CHLSN: variants seen among roughly 807,000 people sequenced by gnomAD.
The protein encoded by CHLSN is cholesin.
chr7:987,409 C>G, the CHLSN span: 2 of 1,594,794 alleles, frequency 1.3e-6, no homozygotes, highest in African/African-American at 2.7e-5. Context: ...GCTGGAGGAC[C>G]AGCAGGCTCT....
chr7:1,062,326 C>G, the CHLSN span, among the ~76,000 whole-genome samples: 4 of 152,176 alleles, frequency 2.6e-5, no homozygotes, highest in South Asian at 2.1e-4. Flanking sequence ...AGAGGGAAAG[C>G]AGGAATAGTA....
chr7:1,013,685 G>A, the CHLSN span, among the ~76,000 whole-genome samples: 1 of 152,212 alleles, frequency 6.6e-6, no homozygotes, highest in African/African-American at 2.4e-5. Flanking sequence ...CGGGCCTCAT[G>A]GAAGGAAGCA....
chr7:1,030,846 C>A, the CHLSN span, among the ~76,000 whole-genome samples: 5 of 152,286 alleles, frequency 3.3e-5, no homozygotes, highest in Admixed American at 3.3e-4. Context: ...TGCCTGCTTT[C>A]CCACAGCCCA....
chr7:1,046,045 G>C, the CHLSN span, among the ~76,000 whole-genome samples: 1 of 152,162 alleles, frequency 6.6e-6, no homozygotes, highest in East Asian at 1.9e-4. Context: ...CACCTCATGT[G>C]GGTCTTAGGT....
chr7:1,092,977 C>T, the CHLSN span: 5 of 938,716 alleles, frequency 5.3e-6, no homozygotes, highest in South Asian at 1.4e-5. Flanking sequence ...TCTGGCTCCT[C>T]GGGGCCTCGC....
chr7:1,109,982 C>G, the CHLSN span, among the ~76,000 whole-genome samples: 431 of 152,340 alleles, frequency 2.8e-3, 14 homozygotes, highest in East Asian at 0.079. Context: ...GCGTCCAGGG[C>G]TACAGTAATG....
the CHLSN span, among the ~76,000 whole-genome samples, chr7:1,035,727 G>A: frequency 6.6e-6 from 1 of 152,218 alleles, no homozygotes; most frequent in African/African-American, 2.4e-5. Flanking sequence ...GAAGTCAGCT[G>A]GTGGTTTCTT....
the CHLSN span, chr7:1,091,920 C>T: frequency 3.7e-6 from 6 of 1,613,952 alleles, no homozygotes; most frequent in African/African-American, 8.0e-5. Flanking sequence ...TCTCGTGCCT[C>T]TACACCATCT....
At chr7:1,054,265 T>G in the CHLSN span, among the ~76,000 whole-genome samples, 3 of 152,170 alleles carry the variant, frequency 2.0e-5, no homozygotes, top group African/African-American at 7.2e-5. Flanking sequence ...GGAAAACAGG[T>G]ACGGCTCGGC....
the CHLSN span, among the ~76,000 whole-genome samples, chr7:991,689 G>A: frequency 2.0e-5 from 3 of 152,212 alleles, no homozygotes; most frequent in African/African-American, 7.2e-5. Flanking sequence ...TTTCTTTGTT[G>A]CTATTTTTAA....
At chr7:1,130,152 T>A in the CHLSN span, among the ~76,000 whole-genome samples, 1 of 152,088 alleles carries the variant, frequency 6.6e-6, no homozygotes, top group Admixed American at 6.5e-5. Context: ...TCAAGGGGCA[T>A]GTGGTTAGGC....
chr7:1,127,511 T>C, the CHLSN span: 3 of 963,238 alleles, frequency 3.1e-6, no homozygotes, highest in Non-Finnish European at 4.4e-6. Context: ...ATGGAAAACA[T>C]ATAAAAGTTA....
chr7:1,059,984 T>TCTTAGTGGGGCGGGA, the CHLSN span, among the ~76,000 whole-genome samples: 1 of 62,164 alleles, frequency 1.6e-5, no homozygotes, highest in Non-Finnish European at 3.0e-5. Context: ...GTGGGGCGGG[T>TCTTAGTGGGGCGGGA]CTTAGTGGGG....
At chr7:1,120,543 C>T in the CHLSN span, among the ~76,000 whole-genome samples, 2 of 152,170 alleles carry the variant, frequency 1.3e-5, no homozygotes, top group Non-Finnish European at 2.9e-5. Flanking sequence ...CCTTCTGCCT[C>T]GGCCTCCCAA....
At chr7:1,122,233 G>T in the CHLSN span, among the ~76,000 whole-genome samples, 1 of 152,242 alleles carries the variant, frequency 6.6e-6, no homozygotes, top group African/African-American at 2.4e-5. Flanking sequence ...CAAGATGCTC[G>T]TGGGGACGGA....
the CHLSN span, among the ~76,000 whole-genome samples, chr7:1,027,988 C>G: frequency 6.6e-6 from 1 of 151,382 alleles, no homozygotes; most frequent in African/African-American, 2.4e-5. Context: ...CCCTGCCACC[C>G]GCGGCCCGGC....
chr7:1,041,348 GGGGAAGGGGGCCTGGGGTCCGCGCTGCA>G, the CHLSN span, among the ~76,000 whole-genome samples: 12 of 109,502 alleles, frequency 1.1e-4, no homozygotes, highest in African/African-American at 4.0e-4. Context: ...TCCGCGCTGC[GGGGAAGGGGGCCTGGGGTCCGCGCTGCA>G]GGGGAACGGG....
chr7:987,096 C>T, the CHLSN span: 67 of 1,520,954 alleles, frequency 4.4e-5, no homozygotes, highest in African/African-American at 5.5e-5. Flanking sequence ...CCCTGCCCCA[C>T]GCCTCTGCAG....
At chr7:1,136,401 T>TATATATAAAC in the CHLSN span, among the ~76,000 whole-genome samples, 2 of 114,308 alleles carry the variant, frequency 1.7e-5, no homozygotes, top group East Asian at 5.0e-4. Context: ...TATATATAAA[T>TATATATAAAC]ATATATAAAC....
Sources: gnomAD v4.1 joint callset for allele counts (sites outside exome capture counted in the v4.1 genomes callset) on GRCh38, gnomAD v4.1.1 for gene constraint, MANE v1.5 for transcripts, NCBI Gene and HGNC (gene_info 2026-07-23, HGNC 2026-07-21) for gene names.